The following WDR70 variants were observed in gnomAD, a reference collection of about 807,000 sequenced individuals.
The protein encoded by WDR70 is WD repeat-containing protein 70.
Under a neutral mutation model 88.6 loss-of-function variants are expected in WDR70, and 53 were observed. That is an observed-to-expected ratio of 0.60 (90% CI 0.48 to 0.75). The LOEUF (loss-of-function observed/expected upper bound fraction) is 0.75. WDR70 is among the 30% of genes least tolerant of loss of function. The pLI is 0.00. For missense variants in WDR70, 610 were observed against 823.2 expected, an observed-to-expected ratio of 0.74 and a Z score of 3.17; for synonymous variants, 280 against 270.0, an observed-to-expected ratio of 1.04 and a Z score of -0.36.
intron 8 of WDR70, among the ~76,000 whole-genome samples, chr5:37,510,734 A>G (rs1740699308): frequency 6.6e-6 from 1 of 152,216 alleles, no homozygotes; most frequent in Non-Finnish European, 1.5e-5. Context: ...CACACATTGT[A>G]TATAGTCATC....
chr5:37,623,063 A>G (rs1475698878), intron 10 of WDR70, among the ~76,000 whole-genome samples: 1 of 152,204 alleles, frequency 6.6e-6, no homozygotes, highest in East Asian at 1.9e-4. Context: ...AAAAAGGGAT[A>G]TAGGCAAAAG....
At chr5:37,693,424 CA>C (rs1292751383) in intron 10 of WDR70, among the ~76,000 whole-genome samples, 29 of 152,126 alleles carry the variant, frequency 1.9e-4, no homozygotes, top group African/African-American at 6.8e-4. Context: ...GCAAAAAGAA[CA>C]AAGCTGGAGG....
chr5:37,410,376 T>C (rs1393191011), intron 5 of WDR70, among the ~76,000 whole-genome samples: 1 of 151,820 alleles, frequency 6.6e-6, no homozygotes, highest in African/African-American at 2.4e-5. Context: ...TGATGAAAAC[T>C]TTAATGCTAC....
At chr5:37,719,706 C>A (rs565359097) in intron 13 of WDR70, among the ~76,000 whole-genome samples, 1 of 152,214 alleles carries the variant, frequency 6.6e-6, no homozygotes, top group African/African-American at 2.4e-5. Flanking sequence ...AGACTCTTTT[C>A]AGCTTTCTCC....
intron 9 of WDR70, among the ~76,000 whole-genome samples, chr5:37,603,169 C>A (rs1353035371): frequency 6.6e-6 from 1 of 151,242 alleles, no homozygotes; most frequent in Non-Finnish European, 1.5e-5. Flanking sequence ...CATATGAAAC[C>A]ACGAAAGATC....
intron 10 of WDR70, among the ~76,000 whole-genome samples, chr5:37,671,090 A>G (rs1746011652): frequency 2.0e-5 from 3 of 152,312 alleles, no homozygotes; most frequent in Non-Finnish European, 2.9e-5. Context: ...TAACCCTAAC[A>G]TGTGATTGAA....
rs867769848 is a variant in WDR70 at position 37,563,341 on chromosome 5, G to A, written c.918-41723G>A. On this transcript the variant is annotated intron_variant, in intron 9 of 17. Transcript: ENST00000265107. ...TCCCTCCTGGACGGGGCGGCTGGCCGTGCAGAGGGGCTCCTCTCTTCCCAG... is the reference window on the plus strand; with the variant it reads ...TCCCTCCTGGACGGGGCGGCTGGCCATGCAGAGGGGCTCCTCTCTTCCCAG... Among the ~76,000 whole-genome samples the A allele has an allele frequency of 3.5e-3, 198 of 57,342 alleles. 32 individuals carry two copies. Among genetic ancestry groups the A allele is most frequent in the African/African-American group, 0.011 (191 of 18,060 alleles). 37.6% of individuals were successfully genotyped at this position (57,342 alleles called of 152,430 possible).
At chr5:37,732,491 G>A (rs1293632244) in intron 17 of WDR70, among the ~76,000 whole-genome samples, 4 of 151,964 alleles carry the variant, frequency 2.6e-5, no homozygotes, top group Admixed American at 6.6e-5. Context: ...TTGGATGTAG[G>A]TATTTGCCCA....
At chr5:37,467,729 A>AT (rs1739202204) in intron 7 of WDR70, among the ~76,000 whole-genome samples, 2 of 145,094 alleles carry the variant, frequency 1.4e-5, no homozygotes, top group Admixed American at 1.4e-4. Flanking sequence ...ATTTTATTTT[A>AT]TTTTTTTTAG....
At chr5:37,539,330 GA>G (rs1366939923) in intron 9 of WDR70, among the ~76,000 whole-genome samples, 17 of 152,262 alleles carry the variant, frequency 1.1e-4, no homozygotes, top group Non-Finnish European at 2.1e-4. Flanking sequence ...GGTCTTTAAA[GA>G]GTATGAGGCT....
At chr5:37,449,409 T>A (rs1171657084) in intron 7 of WDR70, among the ~76,000 whole-genome samples, 5 of 151,970 alleles carry the variant, frequency 3.3e-5, no homozygotes, top group Non-Finnish European at 7.4e-5. Flanking sequence ...CTGGCCAACA[T>A]GGTGAAACCC....
At position 37,578,798 on chromosome 5, in the gene WDR70, G is replaced by A. The variant is rs138107976; in HGVS notation, c.918-26266G>A. Reference sequence around the variant, plus strand: ...ATGACAAGTTTTATAGAAAGGGAGTGTAATACACTCAAACATACAGAAACA... The same window carrying A: ...ATGACAAGTTTTATAGAAAGGGAGTATAATACACTCAAACATACAGAAACA... On this transcript the variant is annotated intron_variant, in intron 9 of 17. Coordinates refer to ENST00000265107, the MANE Select transcript of WDR70 (RefSeq NM_018034.4). Among the ~76,000 whole-genome samples the A allele has an allele frequency of 4.5e-4, 68 of 152,278 alleles. 1 individual carries two copies. The highest frequency in any genetic ancestry group is 1.1e-3 in the African/African-American group (44 of 41,540).
At chr5:37,507,962 A>AT (rs1182817135) in intron 8 of WDR70, among the ~76,000 whole-genome samples, 5 of 151,408 alleles carry the variant, frequency 3.3e-5, no homozygotes, top group African/African-American at 9.7e-5. Flanking sequence ...AATGCCTTTT[A>AT]TTTTTTTTCT....
At chr5:37,505,289 A>G (rs1433792460) in intron 8 of WDR70, among the ~76,000 whole-genome samples, 1 of 152,158 alleles carries the variant, frequency 6.6e-6, no homozygotes, top group East Asian at 1.9e-4. Flanking sequence ...ATGAATATTA[A>G]TGATGTACCT....
intron 10 of WDR70, among the ~76,000 whole-genome samples, chr5:37,636,526 TAC>T (rs1215250287): frequency 7.2e-5 from 11 of 152,234 alleles, no homozygotes; most frequent in Admixed American, 2.0e-4. Context: ...TTAATAACTT[TAC>T]ACTGAAGAAA....
At chr5:37,735,329 TGC>T (rs1190968126) in intron 17 of WDR70, among the ~76,000 whole-genome samples, 1 of 152,178 alleles carries the variant, frequency 6.6e-6, no homozygotes, top group East Asian at 1.9e-4. Context: ...AATGAATTCG[TGC>T]TAGCATAATA....
At chr5:37,419,024 A>G (rs1263769959) in intron 5 of WDR70, among the ~76,000 whole-genome samples, 2 of 148,500 alleles carry the variant, frequency 1.3e-5, no homozygotes, top group Non-Finnish European at 2.9e-5. Context: ...TTGGCCTCCC[A>G]AAGTGCTGGG....
At chr5:37,564,256 G>A (rs938143058) in intron 9 of WDR70, among the ~76,000 whole-genome samples, 1 of 152,184 alleles carries the variant, frequency 6.6e-6, no homozygotes, top group Non-Finnish European at 1.5e-5. Context: ...GAGTGAACGC[G>A]ACTCCGTCTG....
chr5:37,574,760 T>C (rs1743007403), intron 9 of WDR70, among the ~76,000 whole-genome samples: 1 of 152,214 alleles, frequency 6.6e-6, no homozygotes, highest in African/African-American at 2.4e-5. Context: ...CTTATTTCTA[T>C]AAACAACACT....
Sources: allele counts gnomAD v4.1 joint callset (sites outside exome capture counted in the v4.1 genomes callset), GRCh38; gene constraint gnomAD v4.1.1; transcripts MANE v1.5; gene names NCBI Gene and HGNC (gene_info 2026-07-23, HGNC 2026-07-21).